The following CABIN1 variants were observed in gnomAD, a reference collection of about 807,000 sequenced individuals.
CABIN1 encodes calcineurin-binding protein cabin-1.
A neutral mutation model predicts 227.7 loss-of-function variants in CABIN1; 133 were observed. That is an observed-to-expected ratio of 0.58 (90% CI 0.51 to 0.67). CABIN1 has a LOEUF of 0.67. Ranked by LOEUF, CABIN1 falls within the 30% of genes least tolerant of loss-of-function variation. The probability of loss-of-function intolerance (pLI) is 0.00; values close to 1 mark genes in which losing one functional copy is unlikely to be tolerated. For missense variants in CABIN1, 2,408 were observed against 2,852.5 expected, an observed-to-expected ratio of 0.84 and a Z score of 3.55; for synonymous variants, 1,086 against 1,155.1, an observed-to-expected ratio of 0.94 and a Z score of 1.21.
At chr22:24,096,105 C>T (rs1445227070) in intron 25 of CABIN1, 23 bp downstream of exon 25, 1 of 1,613,602 alleles carries the variant, frequency 6.2e-7, no homozygotes, top group South Asian at 1.1e-5. Context: ...CTTCAGGCGA[C>T]CCCTAGCAGC....
intron 29 of CABIN1, among the ~76,000 whole-genome samples, chr22:24,137,599 G>C (rs559736142): frequency 6.6e-6 from 1 of 152,238 alleles, no homozygotes; most frequent in East Asian, 1.9e-4. Flanking sequence ...ATGCTTCCCA[G>C]TGACCTGCTG....
At chr22:24,018,356 T>C (rs949839071) in intron 1 of CABIN1, among the ~76,000 whole-genome samples, 1 of 152,214 alleles carries the variant, frequency 6.6e-6, no homozygotes, top group Admixed American at 6.5e-5. Flanking sequence ...TTTTAAATCA[T>C]ATTTGGCCCT....
At chr22:24,050,708 A>G (rs2038257799) in intron 7 of CABIN1, 117 bp from the exon 8 acceptor site, 2 of 1,280,286 alleles carry the variant, frequency 1.6e-6, no homozygotes, top group African/African-American at 1.5e-5. Context: ...TATTTTATTT[A>G]TAGGAAGAAA....
chr22:24,159,258 G>A (rs2148600901), intron 29 of CABIN1, among the ~76,000 whole-genome samples: 1 of 152,364 alleles, frequency 6.6e-6, no homozygotes, highest in South Asian at 2.1e-4. Flanking sequence ...CTGTGGCAGG[G>A]CAGCTATTCC....
At chr22:24,088,672 C>T (rs1418090189) in intron 23 of CABIN1, among the ~76,000 whole-genome samples, 1 of 151,996 alleles carries the variant, frequency 6.6e-6, no homozygotes, top group Non-Finnish European at 1.5e-5. Flanking sequence ...TTGCAGTATA[C>T]AATATTAAGG....
At chr22:24,079,583 C>T (rs2040673733) in intron 19 of CABIN1, among the ~76,000 whole-genome samples, 1 of 152,120 alleles carries the variant, frequency 6.6e-6, no homozygotes, top group Non-Finnish European at 1.5e-5. Flanking sequence ...AATGTTGATG[C>T]CCATCTGAAA....
At chr22:24,100,646 T>C (rs1319218452) in intron 26 of CABIN1, among the ~76,000 whole-genome samples, 4 of 152,176 alleles carry the variant, frequency 2.6e-5, no homozygotes, top group Non-Finnish European at 4.4e-5. Context: ...AGGAGGGTGA[T>C]GGGTGCTTCT....
intron 6 of CABIN1, among the ~76,000 whole-genome samples, chr22:24,043,761 A>G (rs1361157424): frequency 4.6e-5 from 7 of 152,190 alleles, no homozygotes; most frequent in Non-Finnish European, 8.8e-5. Flanking sequence ...CAAAAACAAA[A>G]CAAAACAAAA....
In CABIN1 at chr22:24,013,923, C is replaced by T. The variant is rs140517486; in HGVS notation, c.-75+2556C>T. On this transcript the variant is annotated intron_variant, in intron 1 of 36. Transcript: ENST00000263119. ...TGCATTGTTGGCCAGAACACAAAGACACATTATCTTTGTGTCTTTCTCAGT... is the reference window on the plus strand; with the variant it reads ...TGCATTGTTGGCCAGAACACAAAGATACATTATCTTTGTGTCTTTCTCAGT... Among the ~76,000 whole-genome samples, 211 of 152,288 alleles carry T rather than the reference C, an allele frequency of 1.4e-3. 3 individuals are homozygous for T. In the East Asian group the frequency reaches 0.037, roughly 27 times the overall value.
chr22:24,043,647 G>T (rs2037613799), intron 6 of CABIN1, among the ~76,000 whole-genome samples: 1 of 152,156 alleles, frequency 6.6e-6, no homozygotes, highest in African/African-American at 2.4e-5. Context: ...AGCTACTTGG[G>T]AGGCTGAGGT....
At chr22:24,151,094 G>A (rs1602364657) in intron 29 of CABIN1, among the ~76,000 whole-genome samples, 1 of 152,134 alleles carries the variant, frequency 6.6e-6, no homozygotes, top group African/African-American at 2.4e-5. Flanking sequence ...AGCCTACTTG[G>A]GAACCCGAAC....
intron 1 of CABIN1, among the ~76,000 whole-genome samples, chr22:24,031,068 A>G (rs906038961): frequency 6.6e-6 from 1 of 152,108 alleles, no homozygotes; most frequent in African/African-American, 2.4e-5. Context: ...TCTCCCACCC[A>G]TGCACATGGA....
In CABIN1 at chr22:24,178,048, C is replaced by T. The variant is rs757375218; in HGVS notation, c.6520-5C>T. The T allele has an allele frequency of 1.6e-4, 260 of 1,613,422 alleles. 2 individuals carry two copies. The Middle Eastern group carries it at 2.8e-3, about 18-fold the overall frequency. ...GACCAGTGCCCCGCCCGGCCCTCTC[C>T]GCAGTCAGCCATCCTTTCTGCCCAG... On this transcript the variant is annotated splice_polypyrimidine_tract_variant and splice_region_variant and intron_variant, in intron 36 of 36. Transcript: ENST00000263119.
chr22:24,021,892 C>T (rs979334719), intron 1 of CABIN1, among the ~76,000 whole-genome samples: 4 of 152,064 alleles, frequency 2.6e-5, no homozygotes, highest in Non-Finnish European at 5.9e-5. Context: ...ACCATGTTGG[C>T]CAGGCTGGTC....
At chr22:24,054,287 TAGAC>T (rs1408902494) in intron 8 of CABIN1, among the ~76,000 whole-genome samples, 2 of 152,028 alleles carry the variant, frequency 1.3e-5, no homozygotes, top group Non-Finnish European at 2.9e-5. Flanking sequence ...TACAAAACAA[TAGAC>T]AGCACACAAT....
chr22:24,012,804 A>C (rs2034924252), intron 1 of CABIN1, among the ~76,000 whole-genome samples: 1 of 152,136 alleles, frequency 6.6e-6, no homozygotes, highest in Non-Finnish European at 1.5e-5. Context: ...TCTGTCGCCC[A>C]GGCTGGAGTG....
At chr22:24,164,346 C>G (rs948255200) in intron 29 of CABIN1, 54 bp from the exon 30 acceptor site, 12 of 1,595,498 alleles carry the variant, frequency 7.5e-6, no homozygotes, top group Non-Finnish European at 1.0e-5. Flanking sequence ...AGGGTGTCCC[C>G]GAGGCTCCTG....
At chr22:24,155,379 C>T (rs541452354) in intron 29 of CABIN1, among the ~76,000 whole-genome samples, 3 of 152,154 alleles carry the variant, frequency 2.0e-5, no homozygotes, top group East Asian at 1.9e-4. Context: ...TGTTGCTGTT[C>T]TTGGAATACT....
chr22:24,102,013 T>G (rs910742643), intron 26 of CABIN1, among the ~76,000 whole-genome samples: 2 of 152,194 alleles, frequency 1.3e-5, no homozygotes, highest in African/African-American at 2.4e-5. Flanking sequence ...GTCATGCCCT[T>G]GTTTCCCCAA....
Sources: allele counts gnomAD v4.1 joint callset (sites outside exome capture counted in the v4.1 genomes callset), GRCh38; gene constraint gnomAD v4.1.1; transcripts MANE v1.5; gene names NCBI Gene and HGNC (gene_info 2026-07-23, HGNC 2026-07-21).